RAB3IP: variants seen among roughly 807,000 people sequenced by gnomAD.
RAB3IP encodes the protein rab-3A-interacting protein.
In RAB3IP, 36 loss-of-function variants were observed where a neutral mutation model predicts 59.1. The observed-to-expected ratio is 0.61, with a 90% CI of 0.47 to 0.80. RAB3IP has a LOEUF of 0.80. Ranked by LOEUF, RAB3IP falls within the 30% of genes least tolerant of loss-of-function variation. RAB3IP has a pLI of 0.00. For synonymous variants in RAB3IP, 207 were observed against 191.2 expected (o/e 1.08, Z -0.68); for missense variants, 511 against 536.0 (o/e 0.95, Z 0.46).
chr12:69,795,492 C>T (rs1207175569), intron 6 of RAB3IP, 148 bp downstream of exon 6: 19 of 649,580 alleles, frequency 2.9e-5, no homozygotes, highest in Admixed American at 5.2e-5. Context: ...GAGCTGGCTG[C>T]TTTCAGGGAT....
intron 3 of RAB3IP, among the ~76,000 whole-genome samples, chr12:69,758,756 C>CTTTTTTT (rs71437121): frequency 0.01 from 489 of 48,092 alleles, 7 homozygotes; most frequent in African/African-American, 0.033. Flanking sequence ...GTGTTCATTC[C>CTTTTTTT]TTTTTTTTTT....
intron 3 of RAB3IP, among the ~76,000 whole-genome samples, chr12:69,759,976 G>A (rs956284628): frequency 2.0e-5 from 3 of 150,342 alleles, no homozygotes; most frequent in Admixed American, 1.3e-4. Context: ...CCCAGACGGG[G>A]TGGCGGCCGG....
At chr12:69,778,446 T>C (rs368852166) in intron 3 of RAB3IP, among the ~76,000 whole-genome samples, 2 of 143,188 alleles carry the variant, frequency 1.4e-5, no homozygotes, top group African/African-American at 2.6e-5. Flanking sequence ...AGCTTTGTTC[T>C]GTTGCTGGTG....
At chr12:69,746,053 G>A (rs1282668767) in intron 1 of RAB3IP, among the ~76,000 whole-genome samples, 1 of 152,110 alleles carries the variant, frequency 6.6e-6, no homozygotes, top group Admixed American at 6.5e-5. Flanking sequence ...TATAAATGAA[G>A]CTGTTCTGAA....
chr12:69,800,360 G>A, intron 7 of RAB3IP, 23 bp downstream of exon 7: 1 of 1,428,334 alleles, frequency 7.0e-7, no homozygotes, highest in Non-Finnish European at 9.6e-7. Context: ...CATTTTAGTA[G>A]GAATTCATTA....
intron 3 of RAB3IP, among the ~76,000 whole-genome samples, chr12:69,762,442 T>C (rs749302186): frequency 6.6e-5 from 10 of 152,252 alleles, no homozygotes; most frequent in Non-Finnish European, 1.2e-4. Context: ...TGTAAGAGGT[T>C]ATTTTAAACT....
chr12:69,744,161 G>T (rs1323472306), intron 1 of RAB3IP, among the ~76,000 whole-genome samples: 4 of 151,774 alleles, frequency 2.6e-5, no homozygotes, highest in Non-Finnish European at 5.9e-5. Flanking sequence ...ACAGGCCCTG[G>T]TGTGTGATAT....
At chr12:69,783,016 G>A (rs1875011652) in intron 3 of RAB3IP, among the ~76,000 whole-genome samples, 3 of 152,068 alleles carry the variant, frequency 2.0e-5, no homozygotes, top group Admixed American at 6.5e-5. Context: ...TAACATAAAT[G>A]TTGCTGTTGA....
At chr12:69,770,295 C>T (rs545396051) in intron 3 of RAB3IP, among the ~76,000 whole-genome samples, 2 of 152,160 alleles carry the variant, frequency 1.3e-5, no homozygotes, top group Admixed American at 6.5e-5. Flanking sequence ...TCCGCCCCCC[C>T]ACCCTGCCGG....
At chr12:69,789,210 A>G (rs1251471394) in intron 4 of RAB3IP, among the ~76,000 whole-genome samples, 1 of 152,046 alleles carries the variant, frequency 6.6e-6, no homozygotes, top group Non-Finnish European at 1.5e-5. Context: ...AATAGAAAAT[A>G]TTAAGAAAAC....
intron 3 of RAB3IP, among the ~76,000 whole-genome samples, chr12:69,762,516 G>T (rs183456572): frequency 1.3e-5 from 2 of 152,288 alleles, no homozygotes; most frequent in East Asian, 1.9e-4. Flanking sequence ...CCAGCACTTT[G>T]GGAGGCCGAG....
intron 3 of RAB3IP, among the ~76,000 whole-genome samples, chr12:69,764,336 A>G (rs1411994050): frequency 2.0e-5 from 3 of 152,090 alleles, no homozygotes; most frequent in Admixed American, 2.0e-4. Context: ...GGGGATGGGT[A>G]TTCCAGTTTC....
chr12:69,786,044 T>G (rs1875593113), intron 4 of RAB3IP, among the ~76,000 whole-genome samples: 1 of 152,232 alleles, frequency 6.6e-6, no homozygotes, highest in Non-Finnish European at 1.5e-5. Context: ...TCCTAAAGAT[T>G]TGTTCTTAAA....
chr12:69,779,606 G>T (rs1355145190), intron 3 of RAB3IP, among the ~76,000 whole-genome samples: 1 of 146,756 alleles, frequency 6.8e-6, no homozygotes, highest in Non-Finnish European at 1.5e-5. Flanking sequence ...CTCACTCATC[G>T]TTTCTTCGCT....
Position 69,795,229 on chromosome 12 carries a change from G to T in RAB3IP, c.773G>T (p.Gly258Val), listed in dbSNP as rs149747995. Residue 258 changes from glycine to valine, a missense_variant, in exon 6 of 11, where the codon GGT becomes GTT. Transcript: ENST00000247833. ...TCACCTACGCAGGAGCCTTTGCCAG[G>T]TGGAAAGACACCTTTTAAAAAGGGG... ...PTSPTQEPLP[G>V]GKTPFKKGHT... is the part of the protein sequence containing the mutation. The T allele has an allele frequency of 6.2e-7, 1 of 1,613,918 alleles. No individual in the cohort carries two copies. Among genetic ancestry groups the T allele is most frequent in the African/African-American group, 1.3e-5 (1 of 74,892 alleles).
intron 1 of RAB3IP, among the ~76,000 whole-genome samples, chr12:69,746,381 C>G (rs1285166867): frequency 6.6e-6 from 1 of 152,196 alleles, no homozygotes; most frequent in Non-Finnish European, 1.5e-5. Context: ...CCCTTATTCC[C>G]TGACTGTCCT....
At position 69,795,322 on chromosome 12, in the gene RAB3IP, C is replaced by T. The variant is rs1877276275; in HGVS notation, c.866C>T (p.Pro289Leu). 6.2e-7 allele frequency: 1 copy of T among 1,613,508 alleles called. No homozygotes were observed. Among genetic ancestry groups the T allele is most frequent in the African/African-American group, 1.3e-5 (1 of 74,902 alleles). The change falls in exon 6 of 11, where the codon CCA becomes CTA. Residue 289 changes from proline to leucine, a missense_variant. By Grantham distance (98) the Pro-to-Leu change is moderately conservative. Coordinates refer to ENST00000247833, the MANE Select transcript of RAB3IP (RefSeq NM_022456.5). ...GSHQDLSVIQ[P>L]IVKDCKEADL... The stretch of plus-strand genomic sequence containing the variant: ...CATCAGGACCTCAGTGTGATACAGC[C>T]AATTGTAAAAGACTGCAAAGAGGTA...
intron 3 of RAB3IP, among the ~76,000 whole-genome samples, chr12:69,781,553 G>A (rs1465092767): frequency 1.3e-5 from 2 of 152,022 alleles, no homozygotes; most frequent in African/African-American, 4.8e-5. Context: ...TAAAAACCCT[G>A]GCAACCACTG....
intron 4 of RAB3IP, among the ~76,000 whole-genome samples, chr12:69,788,427 G>C (rs539235525): frequency 2.5e-4 from 38 of 152,136 alleles, no homozygotes; most frequent in Non-Finnish European, 4.7e-4. Flanking sequence ...TCTAAACATA[G>C]AAAAAGTAAA....
Sources: gnomAD v4.1 joint callset for allele counts (sites outside exome capture counted in the v4.1 genomes callset) on GRCh38, gnomAD v4.1.1 for gene constraint, MANE v1.5 for transcripts, NCBI Gene and HGNC (gene_info 2026-07-23, HGNC 2026-07-21) for gene names.